Variants in CYP19A1 observed in about 807,000 individuals in gnomAD.
CYP19A1 encodes the protein aromatase.
In CYP19A1, 32 loss-of-function variants were observed where a neutral mutation model predicts 44.4. The observed-to-expected ratio is 0.72, with a 90% CI of 0.54 to 0.97. The LOEUF (loss-of-function observed/expected upper bound fraction) is 0.97, where lower values mean the gene tolerates loss of function less well. Ranked by LOEUF, CYP19A1 falls within the 50% of genes least tolerant of loss-of-function variation. The pLI is 0.00. For synonymous variants in CYP19A1, 212 were observed against 215.6 expected (o/e 0.98, Z 0.14); for missense variants, 598 against 637.8 (o/e 0.94, Z 0.67).
At chr15:51,267,955 GGAAGAAGCAGATACTAA>G (rs781111588) in intron 1 of CYP19A1, among the ~76,000 whole-genome samples, 2 of 152,160 alleles carry the variant, frequency 1.3e-5, no homozygotes, top group Non-Finnish European at 2.9e-5. Context: ...CCCACCCTGG[GGAAGAAGCAGATACTAA>G]GTAGATAAAT....
rs190923065 is a variant in CYP19A1 at position 51,264,379 on chromosome 15, G to A, written c.-38-21429C>T. 1.4e-4 allele frequency among the ~76,000 whole-genome samples: 22 copies of A among 152,118 alleles called. No homozygotes were observed. The East Asian group carries it at 3.5e-3, about 24-fold the overall frequency. On this transcript the variant is annotated intron_variant, in intron 1 of 9. Coordinates refer to ENST00000396402, the MANE Select transcript of CYP19A1 (RefSeq NM_000103.4). ...GTTACTTAGAATGATGGCAGGAGTC[G>A]GGGGGGAGGGTAAGACCCCGAGAAA...
intron 1 of CYP19A1, among the ~76,000 whole-genome samples, chr15:51,267,571 G>A (rs887001537): frequency 1.3e-5 from 2 of 152,232 alleles, no homozygotes; most frequent in Non-Finnish European, 2.9e-5. Flanking sequence ...CAGGGCGGAG[G>A]GCAGCGGTGT....
chr15:51,279,840 G>A (rs8029807), intron 1 of CYP19A1: 14,769 of 152,282 alleles, frequency 0.097, 819 homozygotes, highest in African/African-American at 0.13. Context: ...AAGAGAAAGA[G>A]GCTGTGAACT....
At position 51,252,699 on chromosome 15, in the gene CYP19A1, ATGGAGGGCACACGGAGTGTGCGCCTG is replaced by A. The variant is rs542722146; in HGVS notation, c.-38-9775_-38-9750del. 2.7e-4 allele frequency among the ~76,000 whole-genome samples: 41 copies of A among 152,346 alleles called. 1 individual carries two copies. In the South Asian group the frequency reaches 7.0e-3, roughly 26 times the overall value. On this transcript the variant is annotated intron_variant, in intron 1 of 9. Coordinates refer to ENST00000396402, the MANE Select transcript of CYP19A1 (RefSeq NM_000103.4). ...TTTCTGCCAAGGAGGGTTCCAGTGC[ATGGAGGGCACACGGAGTGTGCGCCTG>A]TGGAGGCCACTGTCTTCACCTCCAA...
chr15:51,227,073 T>C (rs1442028840), intron 4 of CYP19A1, among the ~76,000 whole-genome samples: 2 of 152,148 alleles, frequency 1.3e-5, no homozygotes, highest in African/African-American at 4.8e-5. Flanking sequence ...AATTCTTAAC[T>C]GAAATTACTC....
At chr15:51,230,955 A>G (rs72727165) in intron 3 of CYP19A1, among the ~76,000 whole-genome samples, 15,301 of 152,230 alleles carry the variant, frequency 0.1, 869 homozygotes, top group Admixed American at 0.18. Context: ...TGCCTCATGT[A>G]GATCTGTTCC....
At chr15:51,332,667 A>G (rs959952728) in intron 1 of CYP19A1, among the ~76,000 whole-genome samples, 1 of 152,156 alleles carries the variant, frequency 6.6e-6, no homozygotes, top group African/African-American at 2.4e-5. Context: ...TATGGGTGAC[A>G]GGTCTTTTCC....
At position 51,337,940 on chromosome 15, in the gene CYP19A1, C is replaced by T. The variant is rs186817113; in HGVS notation, c.-39+555G>A. On this transcript the variant is annotated intron_variant, in intron 1 of 9. Transcript: ENST00000396402. ...GGAAAGGAGTCTGGCTTTTCATTTG[C>T]GCTTCCTTCTGCCCCTCTTGCCCCA... 175 of 152,482 alleles carry T rather than the reference C, an allele frequency of 1.1e-3. 1 individual carries two copies. The highest frequency in any genetic ancestry group is 3.5e-3 in the South Asian group (17 of 4,822). 9.4% of individuals were successfully genotyped at this position (152,482 alleles called of 1,614,324 possible).
chr15:51,274,740 C>T (rs544206311), intron 1 of CYP19A1, among the ~76,000 whole-genome samples: 3 of 152,312 alleles, frequency 2.0e-5, no homozygotes, highest in East Asian at 3.9e-4. Context: ...GCTACAGCCT[C>T]CCTGGCCCTC....
chr15:51,218,302 C>T (rs2031762341), intron 6 of CYP19A1, among the ~76,000 whole-genome samples: 1 of 152,090 alleles, frequency 6.6e-6, no homozygotes, highest in Non-Finnish European at 1.5e-5. Context: ...GCTCCCAGAC[C>T]ACACACTCAG....
At chr15:51,257,759 GTT>G (rs10708624) in intron 1 of CYP19A1, among the ~76,000 whole-genome samples, 13 of 151,104 alleles carry the variant, frequency 8.6e-5, no homozygotes, top group African/African-American at 2.4e-4. Context: ...TGAAGGTCAA[GTT>G]TTTTTTTTCC....
intron 3 of CYP19A1, among the ~76,000 whole-genome samples, chr15:51,230,393 G>A (rs893106609): frequency 2.0e-5 from 3 of 152,184 alleles, no homozygotes; most frequent in African/African-American, 7.2e-5. Flanking sequence ...ACAGCGTTGG[G>A]TGTCTGATCA....
rs573534688 is a variant in CYP19A1 at position 51,223,394 on chromosome 15, GC to G, written c.452-870del. Among the ~76,000 whole-genome samples, 572 of 152,118 alleles carry G rather than the reference GC, an allele frequency of 3.8e-3. 3 individuals carry two copies. Among genetic ancestry groups the G allele is most frequent in the African/African-American group, 0.013 (553 of 41,498 alleles). ...CACAGGAGGGTTTAACCCTTAAAGTGCCCCTTTCTCTCTTTGTGTTACGTTT... is the reference window on the plus strand; with the variant it reads ...CACAGGAGGGTTTAACCCTTAAAGTGCCCTTTCTCTCTTTGTGTTACGTTT... On this transcript the variant is annotated intron_variant, in intron 4 of 9. Transcript: ENST00000396402.
At chr15:51,285,233 TC>T (rs1462359494) in intron 1 of CYP19A1, among the ~76,000 whole-genome samples, 1 of 152,132 alleles carries the variant, frequency 6.6e-6, no homozygotes, top group East Asian at 1.9e-4. Context: ...GCATGGACCT[TC>T]ATCCTGAAAC....
chr15:51,236,936 G>A lies in CYP19A1; in HGVS notation c.219C>T (p.Ala73=), dbSNP rs761309200. Residue 73 remains alanine, a synonymous_variant, in exon 3 of 10, where the codon GCC becomes GCT. Coordinates refer to ENST00000396402, the MANE Select transcript of CYP19A1 (RefSeq NM_000103.4). ...GRFLWMGIGS[A]CNYYNRVYGE... is the part of the protein sequence containing the mutation. Reference sequence around the variant, plus strand: ...CATATACCCGGTTGTAGTAGTTGCAGGCACTGCCGATCCCCATCCACAGGA... The same window carrying A: ...CATATACCCGGTTGTAGTAGTTGCAAGCACTGCCGATCCCCATCCACAGGA... 6 of 1,614,206 alleles carry A rather than the reference G, an allele frequency of 3.7e-6. No individual in the cohort carries two copies. Among genetic ancestry groups the A allele is most frequent in the Non-Finnish European group, 5.1e-6 (6 of 1,180,034 alleles).
At chr15:51,308,003 G>A (rs1469675407) in intron 1 of CYP19A1, among the ~76,000 whole-genome samples, 4 of 152,232 alleles carry the variant, frequency 2.6e-5, no homozygotes, top group Admixed American at 1.3e-4. Flanking sequence ...GCTCCATCAA[G>A]TTTCATTTCC....
intron 1 of CYP19A1, among the ~76,000 whole-genome samples, chr15:51,296,828 T>C (rs1436836237): frequency 6.6e-6 from 1 of 152,208 alleles, no homozygotes; most frequent in Non-Finnish European, 1.5e-5. Context: ...TGGGGAGCAA[T>C]TGTTCTAAAA....
intron 1 of CYP19A1, among the ~76,000 whole-genome samples, chr15:51,265,438 A>G (rs961581390): frequency 3.9e-5 from 6 of 152,222 alleles, no homozygotes; most frequent in African/African-American, 1.4e-4. Flanking sequence ...GCTTGAACAA[A>G]AGGGATGGGG....
At chr15:51,310,420 C>A (rs1292996496) in intron 1 of CYP19A1, among the ~76,000 whole-genome samples, 2 of 152,162 alleles carry the variant, frequency 1.3e-5, no homozygotes, top group African/African-American at 2.4e-5. Context: ...CAAGAAATGG[C>A]CCATCTTTCT....
Sources: gnomAD v4.1 joint callset for allele counts (sites outside exome capture counted in the v4.1 genomes callset) on GRCh38, gnomAD v4.1.1 for gene constraint, MANE v1.5 for transcripts, NCBI Gene and HGNC (gene_info 2026-07-23, HGNC 2026-07-21) for gene names.